Variants in VPS53 observed in about 807,000 individuals in gnomAD.
VPS53 encodes the protein VPS53 subunit of GARP complex.
VPS53 carries 70 observed loss-of-function variants against 107.0 expected under a neutral mutation model. The observed-to-expected ratio is 0.65, with a 90% CI of 0.54 to 0.80. The LOEUF (loss-of-function observed/expected upper bound fraction) is 0.80. VPS53 is among the 30% of genes least tolerant of loss of function. The pLI is 0.00. For synonymous variants in VPS53, 409 were observed against 393.3 expected, an observed-to-expected ratio of 1.04 and a Z score of -0.47; for missense variants, 917 against 1,049.4, an observed-to-expected ratio of 0.87 and a Z score of 1.74.
intron 8 of VPS53, 147 bp downstream of exon 8, chr17:631,403 T>C: frequency 2.7e-6 from 2 of 727,694 alleles, no homozygotes; most frequent in East Asian, 5.3e-5. Flanking sequence ...AAATCCAGGG[T>C]GGTCTCATTA....
At chr17:531,693 C>CA (rs1199252702) in intron 19 of VPS53, among the ~76,000 whole-genome samples, 5 of 151,190 alleles carry the variant, frequency 3.3e-5, no homozygotes, top group Non-Finnish European at 7.4e-5. Flanking sequence ...GATAGGGTTG[C>CA]ACTATGTTGC....
At chr17:573,893 C>T (rs1470669886) in intron 13 of VPS53, among the ~76,000 whole-genome samples, 1 of 152,140 alleles carries the variant, frequency 6.6e-6, no homozygotes, top group African/African-American at 2.4e-5. Flanking sequence ...AAAACCAGTC[C>T]CCACCTGAGT....
At chr17:700,691 A>C (rs1973164051) in intron 2 of VPS53, among the ~76,000 whole-genome samples, 1 of 152,200 alleles carries the variant, frequency 6.6e-6, no homozygotes, top group African/African-American at 2.4e-5. Context: ...AAATGTGAGG[A>C]AATGGTGCCC....
intron 15 of VPS53, among the ~76,000 whole-genome samples, chr17:558,863 T>C (rs1285257170): frequency 6.7e-6 from 1 of 150,082 alleles, no homozygotes; most frequent in Non-Finnish European, 1.5e-5. Flanking sequence ...GGGATGGTGA[T>C]GGGCATCTAT....
intron 19 of VPS53, among the ~76,000 whole-genome samples, chr17:530,776 C>T (rs1909478420): frequency 6.6e-6 from 1 of 152,168 alleles, no homozygotes; most frequent in Non-Finnish European, 1.5e-5. Flanking sequence ...TAGCAAGAAG[C>T]ATGATCAATA....
intron 17 of VPS53, among the ~76,000 whole-genome samples, chr17:542,055 C>T (rs897593064): frequency 6.6e-6 from 1 of 152,146 alleles, no homozygotes; most frequent in African/African-American, 2.4e-5. Context: ...GAATGTTTAT[C>T]AAGCACCTAC....
intron 7 of VPS53, among the ~76,000 whole-genome samples, chr17:633,960 C>T (rs1178100775): frequency 2.6e-5 from 4 of 152,340 alleles, no homozygotes; most frequent in South Asian, 2.1e-4. Flanking sequence ...AGCACACACA[C>T]AGCACCAGTT....
chr17:528,356 G>A (rs927877511), intron 19 of VPS53, among the ~76,000 whole-genome samples: 2 of 152,178 alleles, frequency 1.3e-5, no homozygotes, highest in South Asian at 2.1e-4. Context: ...ACAATAGGTG[G>A]CTTTTTGTGT....
At chr17:609,202 T>C (rs191531044) in intron 11 of VPS53, among the ~76,000 whole-genome samples, 1 of 152,256 alleles carries the variant, frequency 6.6e-6, no homozygotes, top group African/African-American at 2.4e-5. Flanking sequence ...CCCATCGGCC[T>C]CTATGGATTT....
chr17:600,907 G>C (rs1049158467), intron 12 of VPS53: 11 of 152,228 alleles, frequency 7.2e-5, no homozygotes, highest in African/African-American at 2.7e-4. Flanking sequence ...ATTTAATCAA[G>C]GGACCAGACA....
intron 4 of VPS53, chr17:673,771 A>G (rs1295580256): frequency 6.6e-6 from 1 of 152,248 alleles, no homozygotes; most frequent in African/African-American, 2.4e-5. Flanking sequence ...GACTGTAAAG[A>G]GCAAACGGAG....
At chr17:605,551 G>C (rs1277249298) in intron 11 of VPS53, among the ~76,000 whole-genome samples, 1 of 146,834 alleles carries the variant, frequency 6.8e-6, no homozygotes, top group Non-Finnish European at 1.5e-5. Context: ...TGGGGTAAGA[G>C]GGGTGGCGGG....
chr17:593,181 C>T (rs573425725), intron 12 of VPS53, among the ~76,000 whole-genome samples: 324 of 152,096 alleles, frequency 2.1e-3, no homozygotes, highest in Middle Eastern at 6.8e-3. Flanking sequence ...AAGACTTAAA[C>T]GTTAGACCTA....
intron 4 of VPS53, among the ~76,000 whole-genome samples, chr17:672,969 G>A (rs533307954): frequency 2.0e-5 from 3 of 152,062 alleles, no homozygotes; most frequent in South Asian, 2.1e-4. Context: ...AAAATTAACC[G>A]GGCGTGGTGG....
intron 17 of VPS53, among the ~76,000 whole-genome samples, chr17:539,972 A>G (rs1162429646): frequency 1.3e-5 from 2 of 151,968 alleles, no homozygotes; most frequent in Non-Finnish European, 2.9e-5. Flanking sequence ...AACCAAGTCT[A>G]TCTAAAGCCC....
chr17:712,177 C>CT (rs35522489), intron 1 of VPS53, among the ~76,000 whole-genome samples: 2,894 of 98,428 alleles, frequency 0.029, 275 homozygotes, highest in African/African-American at 0.11. Flanking sequence ...TGACTTTCGC[C>CT]TTTTTTTTTT....
In VPS53 at chr17:562,538, T is replaced by TTC. The variant is rs1398853014; in HGVS notation, c.1519_1520dup (p.Tyr508AsnfsTer21). 1 of 1,614,086 alleles carries TTC rather than the reference T, an allele frequency of 6.2e-7. No individual in the cohort carries two copies. On this transcript the variant is annotated frameshift_variant, in exon 14 of 22. Coordinates refer to ENST00000437048, the MANE Select transcript of VPS53 (RefSeq NM_001128159.3). LOFTEE classifies it high-confidence loss of function. ...TGCCAGAGAGGATTTTCCAGGCGTATTCTCGGAGGTACTTCTGGAAAATGG... is the reference window on the plus strand; with the variant it reads ...TGCCAGAGAGGATTTTCCAGGCGTATTCTCTCGGAGGTACTTCTGGAAAATGG...
At chr17:688,932 C>T (rs570825210) in intron 4 of VPS53, among the ~76,000 whole-genome samples, 4 of 152,192 alleles carry the variant, frequency 2.6e-5, no homozygotes, top group Admixed American at 6.5e-5. Context: ...AAAAGTACAA[C>T]GCAAAAAATA....
intron 10 of VPS53, among the ~76,000 whole-genome samples, chr17:625,019 C>G (rs1969637900): frequency 8.3e-6 from 1 of 120,622 alleles, no homozygotes; most frequent in Non-Finnish European, 1.6e-5. Context: ...GAGACAGGGT[C>G]TCACTCTGTC....
Sources: gnomAD v4.1 joint callset for allele counts (sites outside exome capture counted in the v4.1 genomes callset) on GRCh38, gnomAD v4.1.1 for gene constraint, MANE v1.5 for transcripts, NCBI Gene and HGNC (gene_info 2026-07-23, HGNC 2026-07-21) for gene names.